Variants in IQSEC1 observed in about 807,000 individuals in gnomAD.
IQSEC1 encodes IQ motif and Sec7 domain ArfGEF 1, also known as IQ motif and SEC7 domain-containing protein 1.
IQSEC1 carries 31 observed loss-of-function variants against 91.0 expected under a neutral mutation model. The observed-to-expected ratio is 0.34, with a 90% CI of 0.26 to 0.46. The LOEUF is 0.46. Ranked by LOEUF, IQSEC1 falls within the 20% of genes least tolerant of loss-of-function variation. The pLI, the probability that IQSEC1 is intolerant of heterozygous loss-of-function variation, is 1.00. For synonymous variants in IQSEC1, 699 were observed against 662.6 expected (o/e 1.05, Z -0.84); for missense variants, 1,388 against 1,575.6 (o/e 0.88, Z 2.02).
chr3:13,163,161 C>T (rs892155366), intron 2 of IQSEC1, among the ~76,000 whole-genome samples: 18 of 152,168 alleles, frequency 1.2e-4, no homozygotes, highest in African/African-American at 4.3e-4. Flanking sequence ...TCAGCACCCC[C>T]TGTGCTGCCA....
intron 1 of IQSEC1, among the ~76,000 whole-genome samples, chr3:13,267,928 A>G (rs1271817021): frequency 1.3e-5 from 2 of 152,068 alleles, no homozygotes; most frequent in Non-Finnish European, 2.9e-5. Flanking sequence ...GAGTCAGCAA[A>G]TTTCTTAAAC....
intron 2 of IQSEC1, among the ~76,000 whole-genome samples, chr3:13,114,623 C>A (rs1706305666): frequency 6.6e-6 from 1 of 151,884 alleles, no homozygotes; most frequent in South Asian, 2.1e-4. Flanking sequence ...GAAACCCTGT[C>A]TCTACTAAAA....
In IQSEC1 at chr3:13,282,680, C is replaced by G. The variant is rs923078222; in HGVS notation, c.272+31G>C. Among the ~76,000 whole-genome samples, 1 of 151,288 alleles carries G rather than the reference C, an allele frequency of 6.6e-6. No homozygotes were observed. The highest frequency in any genetic ancestry group is 1.5e-5 in the Non-Finnish European group (1 of 67,710). ...GGACCCCAAGAAGTTCCCACGTCCCCGACACGCCCGCCGCCCCGGGCCCCG... is the reference window on the plus strand; with the variant it reads ...GGACCCCAAGAAGTTCCCACGTCCCGGACACGCCCGCCGCCCCGGGCCCCG... On this transcript the variant is annotated intron_variant, in intron 1 of 15. Transcript: ENST00000648114. This position sits in a 1 kb window ranked among gnomAD's most constrained non-coding sequence, Gnocchi z 6.4.
chr3:13,070,902 C>T (rs908881056), intron 1 of IQSEC1, among the ~76,000 whole-genome samples: 1 of 152,238 alleles, frequency 6.6e-6, no homozygotes, highest in African/African-American at 2.4e-5. Flanking sequence ...ATGCAGGTGG[C>T]TGGGCCCCCA....
At position 12,899,145 on chromosome 3, in the gene IQSEC1, A is replaced by AATGAT. The variant is rs1311131078; in HGVS notation, c.*1833_*1837dup. 1.8e-6 allele frequency: 1 copy of AATGAT among 558,702 alleles called. No homozygotes were observed. Among genetic ancestry groups the AATGAT allele is most frequent in the Non-Finnish European group, 3.2e-6 (1 of 310,846 alleles). 34.6% of individuals were successfully genotyped at this position (558,702 alleles called of 1,614,324 possible). ...GCAGATTTGCTGGTACGGTGATCTCAATGATATGACCGAGGGTGGGAGGGA... is the reference window on the plus strand; with the variant it reads ...GCAGATTTGCTGGTACGGTGATCTCAATGATATGATATGACCGAGGGTGGGAGGGA... On this transcript the variant is annotated 3_prime_UTR_variant, in exon 14 of 14. Transcript: ENST00000613206.
intron 1 of IQSEC1, among the ~76,000 whole-genome samples, chr3:12,998,166 A>G (rs1303519388): frequency 6.6e-6 from 1 of 152,172 alleles, no homozygotes; most frequent in Admixed American, 6.5e-5. Context: ...CCTAGGCAAC[A>G]TGGCAAAACA....
At chr3:13,013,764 A>G (rs998939304) in intron 1 of IQSEC1, among the ~76,000 whole-genome samples, 15 of 152,220 alleles carry the variant, frequency 9.9e-5, no homozygotes, top group Non-Finnish European at 1.6e-4. Context: ...CTCAGAGACA[A>G]GACAGTACTT....
intron 1 of IQSEC1, among the ~76,000 whole-genome samples, chr3:13,198,472 G>A (rs1344061306): frequency 1.3e-5 from 2 of 152,140 alleles, no homozygotes; most frequent in African/African-American, 2.4e-5. Context: ...TCCACCCAGA[G>A]TGAGATGCAG....
rs1217516060 is a variant in IQSEC1, at chr3:12,897,563, C to T, written c.*3420G>A. The T allele has an allele frequency of 6.6e-6, 1 of 152,268 alleles. No individual in the cohort carries two copies. Among genetic ancestry groups the T allele is most frequent in the Non-Finnish European group, 1.5e-5 (1 of 68,056 alleles). The allele number at this position is 152,268 out of a possible 1,614,324, so 9.4% of individuals were successfully genotyped here. A position where few individuals can be genotyped will look rare whatever the true frequency, so the allele number is the denominator to read the frequency against. Reference sequence around the variant, plus strand: ...GAGGGCAGGCCTCCTCCCTCTTGTCCTGTGCTCAGCACCCCCACCTCACCC... The same window carrying T: ...GAGGGCAGGCCTCCTCCCTCTTGTCTTGTGCTCAGCACCCCCACCTCACCC... On this transcript the variant is annotated 3_prime_UTR_variant, in exon 14 of 14. Transcript: ENST00000613206.
At position 13,211,810 on chromosome 3, in the gene IQSEC1, G is replaced by A. The variant is rs1324661552; in HGVS notation, c.273-47677C>T. Among the ~76,000 whole-genome samples, 1 of 152,148 alleles carries A rather than the reference G, an allele frequency of 6.6e-6. No homozygotes were observed. Among genetic ancestry groups the A allele is most frequent in the African/African-American group, 2.4e-5 (1 of 41,442 alleles). On this transcript the variant is annotated intron_variant, in intron 1 of 15. Transcript: ENST00000648114. The surrounding 1 kb of genome is among the most constrained non-coding windows in gnomAD (Gnocchi z 5.3). ...ATCCTGGCAGATGAAATCCCTAAAAGCCCACGGCAAATGCCGCACCCTCCA... is the reference window on the plus strand; with the variant it reads ...ATCCTGGCAGATGAAATCCCTAAAAACCCACGGCAAATGCCGCACCCTCCA...
intron 1 of IQSEC1, among the ~76,000 whole-genome samples, chr3:13,000,559 A>G (rs538865443): frequency 4.8e-4 from 73 of 152,348 alleles, no homozygotes; most frequent in African/African-American, 1.6e-3. Flanking sequence ...GGTCCCTGAA[A>G]GCAGGAATAG....
At chr3:13,067,969 G>A (rs2125104496) in intron 1 of IQSEC1, among the ~76,000 whole-genome samples, 1 of 152,378 alleles carries the variant, frequency 6.6e-6, no homozygotes, top group South Asian at 2.1e-4. Context: ...GACAAGGATG[G>A]CGTGACACTT....
At chr3:12,988,190 G>A (rs1005817758) in intron 1 of IQSEC1, among the ~76,000 whole-genome samples, 28 of 152,322 alleles carry the variant, frequency 1.8e-4, no homozygotes, top group Non-Finnish European at 2.9e-4. Context: ...GAGGCAGGTG[G>A]ATCACTTGAG....
chr3:12,914,994 A>AG (rs1482961700), intron 8 of IQSEC1, 110 bp downstream of exon 8: 10 of 1,091,084 alleles, frequency 9.2e-6, no homozygotes, highest in Non-Finnish European at 1.4e-5. Flanking sequence ...AATGAACTCA[A>AG]GCAGCCAGCA....
chr3:13,041,103 T>A (rs553599982), intron 1 of IQSEC1, among the ~76,000 whole-genome samples: 1 of 152,224 alleles, frequency 6.6e-6, no homozygotes, highest in East Asian at 1.9e-4. Context: ...CTTTAATGCT[T>A]CTTTTGCAGG....
In IQSEC1 at chr3:13,192,159, C is replaced by A. The variant is rs182021292; in HGVS notation, c.273-28026G>T. On this transcript the variant is annotated intron_variant, in intron 1 of 15. Transcript: ENST00000648114. ...GACCATCCTGGCTAACACGGTGGAA[C>A]CCCGTCTCTACTAAAAATACAAAAA... is the stretch of plus-strand genomic sequence containing the variant. Among the ~76,000 whole-genome samples the A allele has an allele frequency of 2.4e-4, 36 of 151,988 alleles. No homozygotes were observed. The East Asian group carries it at 6.0e-3, about 25-fold the overall frequency.
At chr3:12,989,162 G>A (rs375715542) in intron 1 of IQSEC1, among the ~76,000 whole-genome samples, 36 of 152,226 alleles carry the variant, frequency 2.4e-4, no homozygotes, top group African/African-American at 8.0e-4. Context: ...GTTTGCTTAT[G>A]TATTGTGGGT....
rs201266593 is a variant in IQSEC1 at position 12,968,697 on chromosome 3, G to A, written c.24-26832C>T. Among the ~76,000 whole-genome samples the A allele has an allele frequency of 2.0e-5, 3 of 152,330 alleles. No homozygotes were observed. In the East Asian group the frequency reaches 5.8e-4, roughly 29 times the overall value. On this transcript the variant is annotated intron_variant, in intron 1 of 13. Transcript: ENST00000613206. ...TACAGTGCCCAGCGCCCACACCTGTGGAATGCCTAGACGTGGTTGGGAGAC... is the reference window on the plus strand; with the variant it reads ...TACAGTGCCCAGCGCCCACACCTGTAGAATGCCTAGACGTGGTTGGGAGAC...
At chr3:13,105,492 T>C (rs1336885026) in intron 2 of IQSEC1, among the ~76,000 whole-genome samples, 1 of 151,992 alleles carries the variant, frequency 6.6e-6, no homozygotes, top group African/African-American at 2.4e-5. Flanking sequence ...CCAAGAAAAA[T>C]CAGGGGCATG....
Sources: allele counts gnomAD v4.1 joint callset (sites outside exome capture counted in the v4.1 genomes callset), GRCh38; gene constraint gnomAD v4.1.1; non-coding constraint Gnocchi (gnomAD v3.1); transcripts MANE v1.5; gene names NCBI Gene and HGNC (gene_info 2026-07-23, HGNC 2026-07-21).